Variants in XAB2 observed in about 807,000 individuals in gnomAD.
XAB2 encodes XPA binding protein 2, also known as pre-mRNA-splicing factor SYF1.
In XAB2, 57 loss-of-function variants were observed where a neutral mutation model predicts 113.4. The ratio of observed to expected loss-of-function variants is 0.50; its 90% confidence interval spans 0.41 to 0.63. XAB2 has a LOEUF of 0.63. Among genes scored for constraint, XAB2 ranks in the 20% least tolerant of loss-of-function variants. The pLI, the probability that XAB2 is intolerant of heterozygous loss-of-function variation, is 0.00. For synonymous variants in XAB2, 497 were observed against 498.8 expected (o/e 1.00, Z 0.05); for missense variants, 1,037 against 1,233.3 (o/e 0.84, Z 2.38).
rs1455444951 is a variant in XAB2, at chr19:7,623,798, C to T, written c.1052G>A (p.Arg351His). 3.1e-6 allele frequency: 5 copies of T among 1,611,708 alleles called. No individual in the cohort carries two copies. Among genetic ancestry groups the T allele is most frequent in the Non-Finnish European group, 2.5e-6 (3 of 1,179,538 alleles). Residue 351 changes from arginine to histidine, a missense_variant, in exon 8 of 19, where the codon CGC becomes CAC. By Grantham distance (29) the Arg-to-His change is conservative (BLOSUM62 0). Coordinates refer to ENST00000358368, the MANE Select transcript of XAB2 (RefSeq NM_020196.3). This position sits in a 1 kb window ranked among gnomAD's most constrained non-coding sequence, Gnocchi z 4.6. ...CTCGTGCACGTGGTGTGGGTTTTGGCGCAGCAAGACGCTGTTGAGGAGCAG... is the reference window on the plus strand; with the variant it reads ...CTCGTGCACGTGGTGTGGGTTTTGGTGCAGCAAGACGCTGTTGAGGAGCAG... ...RPLLLNSVLL[R>H]QNPHHVHEWH...
chr19:7,622,235 G>A (rs1009485469), intron 12 of XAB2, 96 bp downstream of exon 12: 85 of 1,160,484 alleles, frequency 7.3e-5, no homozygotes, highest in Admixed American at 2.3e-4. Context: ...TCTGTATACT[G>A]TGTCACACAA....
In XAB2 at chr19:7,627,769, C is replaced by A; in HGVS notation, c.283G>T (p.Val95Phe). The A allele has an allele frequency of 6.2e-7, 1 of 1,614,144 alleles. No homozygotes were observed. The change falls in exon 3 of 19, where the codon GTC becomes TTC. Residue 95 changes from valine (V) to phenylalanine (F), a missense_variant. Val to Phe is a conservative substitution (Grantham distance 50). Transcript: ENST00000358368. The surrounding 1 kb of genome is among the most constrained non-coding windows in gnomAD (Gnocchi z 4.5). ...AAGGCCCTCTCATGACAGTTGTTGACATCTTCATAGGCAGGGTCGGTCACA... is the reference window on the plus strand; with the variant it reads ...AAGGCCCTCTCATGACAGTTGTTGAAATCTTCATAGGCAGGGTCGGTCACA... ...RCVTDPAYEDVNNCHERAFVF... is the reference protein window; with the variant it reads ...RCVTDPAYEDFNNCHERAFVF...
chr19:7,624,594 G>C lies in XAB2; in HGVS notation c.823-149C>G. The C allele has an allele frequency of 8.0e-7, 1 of 1,249,414 alleles. No individual in the cohort carries two copies. The highest frequency in any genetic ancestry group is 1.1e-6 in the Non-Finnish European group (1 of 904,682). The allele number at this position is 1,249,414 out of a possible 1,614,324, so 77.4% of individuals were successfully genotyped here. On this transcript the variant is annotated intron_variant, in intron 6 of 18. Transcript: ENST00000358368. The surrounding 1 kb of genome is among the most constrained non-coding windows in gnomAD (Gnocchi z 4.2). ...CTCTGGGTAGTGACCCCAGGACAGA[G>C]CCTCCGTGGAGCCTTCTCACCCCCG...
At chr19:7,620,468 G>A in intron 15 of XAB2, 22 bp from the exon 16 acceptor site, 3 of 1,608,538 alleles carry the variant, frequency 1.9e-6, no homozygotes, top group African/African-American at 1.3e-5. Flanking sequence ...GCAGGGCAGG[G>A]GTGGGTGTGT....
rs745761079 is a variant in XAB2 at position 7,627,353 on chromosome 19, G to A, written c.412C>T (p.Arg138Trp). The change falls in exon 4 of 19, where the codon CGG (arginine) becomes TGG (tryptophan). Residue 138 changes from arginine (R) to tryptophan (W), a missense_variant. Transcript: ENST00000358368. This position sits in a 1 kb window ranked among gnomAD's most constrained non-coding sequence, Gnocchi z 4.5. The part of the protein sequence containing the change: ...HTRRTFDRAL[R>W]ALPITQHSRI... ...GAGTGCTGCGTGATGGGCAGTGCCC[G>A]GAGGGCACGGTCGAAGGTGCGGCGG... The A allele has an allele frequency of 4.0e-5, 65 of 1,613,270 alleles. No individual in the cohort carries two copies. The highest frequency in any genetic ancestry group is 5.3e-5 in the Non-Finnish European group (63 of 1,179,878).
In XAB2 at chr19:7,623,675, C is replaced by T; in HGVS notation, c.1119+56G>A. 2.0e-6 allele frequency: 3 copies of T among 1,526,708 alleles called. No homozygotes were observed. Among genetic ancestry groups the T allele is most frequent in the Non-Finnish European group, 2.6e-6 (3 of 1,142,442 alleles). The allele number at this position is 1,526,708 out of a possible 1,614,324, so 94.6% of individuals were successfully genotyped here. A position where few individuals can be genotyped will look rare whatever the true frequency, so the allele number is the denominator to read the frequency against. On this transcript the variant is annotated intron_variant, in intron 8 of 18. Coordinates refer to ENST00000358368, the MANE Select transcript of XAB2 (RefSeq NM_020196.3). This position sits in a 1 kb window ranked among gnomAD's most constrained non-coding sequence, Gnocchi z 4.6. The stretch of plus-strand genomic sequence containing the variant: ...CATTATGGGTGAAGGTGGGTGGCTC[C>T]CCAGTTCTGCAGGAAACTGGCCCTC...
intron 4 of XAB2, among the ~76,000 whole-genome samples, chr19:7,626,671 A>G (rs1204418905): frequency 6.6e-6 from 1 of 150,828 alleles, no homozygotes; most frequent in Non-Finnish European, 1.5e-5. Flanking sequence ...TGGCTCCACT[A>G]GTCCAGCCTC....
Position 7,619,970 on chromosome 19 carries a change from G to A in XAB2, c.2372C>T (p.Ala791Val). 2 of 1,611,874 alleles carry A rather than the reference G, an allele frequency of 1.2e-6. No homozygotes were observed. Among genetic ancestry groups the A allele is most frequent in the Non-Finnish European group, 1.7e-6 (2 of 1,179,954 alleles). Reference protein sequence around the residue: ...AEAERDQPLRAQSKILFVRSD... With the variant: ...AEAERDQPLRVQSKILFVRSD... ...CCTCACGAACAGGATCTTGCTCTGGGCGCGCAAGGGCTGGTCACGCTCCGC... is the reference window on the plus strand; with the variant it reads ...CCTCACGAACAGGATCTTGCTCTGGACGCGCAAGGGCTGGTCACGCTCCGC... The change falls in exon 17 of 19, where the codon GCC becomes GTC. Residue 791 changes from alanine to valine, a missense_variant. Transcript: ENST00000358368.
intron 15 of XAB2, 47 bp from the exon 16 acceptor site, chr19:7,620,493 G>A: frequency 2.5e-6 from 4 of 1,609,416 alleles, no homozygotes; most frequent in Non-Finnish European, 2.5e-6. Context: ...CCGTGAGCTG[G>A]CTGACTCCGC....
At chr19:7,629,105 C>G (rs1185797852) in intron 1 of XAB2, among the ~76,000 whole-genome samples, 1 of 152,176 alleles carries the variant, frequency 6.6e-6, no homozygotes, top group East Asian at 1.9e-4. Flanking sequence ...AGCCTTCATC[C>G]CAGAAACCAG....
intron 12 of XAB2, chr19:7,621,957 T>C (rs986838833): frequency 4.4e-6 from 1 of 228,484 alleles, no homozygotes; most frequent in Non-Finnish European, 8.8e-6. Flanking sequence ...CCTCAGAAAG[T>C]AGATTCGTTT....
chr19:7,619,776 T>C lies in XAB2; in HGVS notation c.2477A>G (p.Asp826Gly), dbSNP rs762455723. The C allele has an allele frequency of 5.0e-6, 8 of 1,613,736 alleles. No individual in the cohort carries two copies. The highest frequency in any genetic ancestry group is 5.9e-6 in the Non-Finnish European group (7 of 1,179,916). Residue 826 changes from aspartate to glycine, a missense_variant, in exon 18 of 19, where the codon GAC becomes GGC. Asp to Gly is a moderately conservative substitution (Grantham distance 94, BLOSUM62 -1). Transcript: ENST00000358368. Reference sequence around the variant, plus strand: ...GGGCTCCAGGTCCATCTCGTCCTCGTCCTCGTCCTCGCCCAGCTGGATCTC... The same window carrying C: ...GGGCTCCAGGTCCATCTCGTCCTCGCCCTCGTCCTCGCCCAGCTGGATCTC... ...PEEIQLGEDE[D>G]EDEMDLEPNE...
rs1019244805 is a variant in XAB2 at position 7,623,302 on chromosome 19, G to C, written c.1120-13C>G. 1.2e-6 allele frequency: 2 copies of C among 1,613,056 alleles called. No individual in the cohort carries two copies. The highest frequency in any genetic ancestry group is 1.7e-4 in the Middle Eastern group (1 of 6,046). On this transcript the variant is annotated splice_polypyrimidine_tract_variant and intron_variant, in intron 8 of 18. Transcript: ENST00000358368. This position sits in a 1 kb window ranked among gnomAD's most constrained non-coding sequence, Gnocchi z 4.6. ...AGGTGTTGATGATCTGGGGACAGGAGGGAGGAGGTCATATAGGACTCAGGA... is the reference window on the plus strand; with the variant it reads ...AGGTGTTGATGATCTGGGGACAGGACGGAGGAGGTCATATAGGACTCAGGA...
In XAB2 at chr19:7,627,800, A is replaced by G; in HGVS notation, c.252T>C (p.His84=). 2 of 1,613,976 alleles carry G rather than the reference A, an allele frequency of 1.2e-6. No individual in the cohort carries two copies. Among genetic ancestry groups the G allele is most frequent in the Non-Finnish European group, 8.5e-7 (1 of 1,180,026 alleles). Residue 84 remains histidine, a synonymous_variant, in exon 3 of 19, where the codon CAT becomes CAC. Coordinates refer to ENST00000358368, the MANE Select transcript of XAB2 (RefSeq NM_020196.3). The surrounding 1 kb of genome is among the most constrained non-coding windows in gnomAD (Gnocchi z 4.5). Reference sequence around the variant, plus strand: ...CATAGGCAGGGTCGGTCACACAGCGATGCTTCACCTGTGCCCGACGCGCCT... The same window carrying G: ...CATAGGCAGGGTCGGTCACACAGCGGTGCTTCACCTGTGCCCGACGCGCCT... ...YLKARRAQVK[H]RCVTDPAYED... is the part of the protein sequence containing the mutation.
chr19:7,627,229 C>G lies in XAB2; in HGVS notation c.522+14G>C, dbSNP rs1161470723. On this transcript the variant is annotated intron_variant, in intron 4 of 18. Transcript: ENST00000358368. The surrounding 1 kb of genome is among the most constrained non-coding windows in gnomAD (Gnocchi z 4.5). ...GAAACTAACCTGGGGAACCAGCGCA[C>G]CTGCTAGGCTCACCTTGAGGAAGCG... 6.2e-7 allele frequency: 1 copy of G among 1,610,382 alleles called. No homozygotes were observed. Among genetic ancestry groups the G allele is most frequent in the African/African-American group, 1.3e-5 (1 of 74,936 alleles).
chr19:7,625,822 C>T lies in XAB2; in HGVS notation c.822+58G>A. On this transcript the variant is annotated intron_variant, in intron 6 of 18. Coordinates refer to ENST00000358368, the MANE Select transcript of XAB2 (RefSeq NM_020196.3). The surrounding 1 kb of genome is among the most constrained non-coding windows in gnomAD (Gnocchi z 5.2). ...GCCTGTGCATGTGTCAACATGTGTC[C>T]CCGAGTGTCGGAGGGAGACCCCGCC... 2.6e-6 allele frequency: 4 copies of T among 1,545,858 alleles called. No individual in the cohort carries two copies. Among genetic ancestry groups the T allele is most frequent in the South Asian group, 1.2e-5 (1 of 81,016 alleles).
intron 13 of XAB2, 33 bp downstream of exon 13, chr19:7,621,099 GCCC>G: frequency 1.3e-6 from 1 of 766,036 alleles, no homozygotes; most frequent in Non-Finnish European, 1.8e-6. Flanking sequence ...AACCCAGCCC[GCCC>G]GCCACCCCCC....
Position 7,619,717 on chromosome 19 carries a change from C to T in XAB2, c.2506+30G>A, listed in dbSNP as rs201891244. 7.1e-5 allele frequency: 114 copies of T among 1,611,660 alleles called. No homozygotes were observed. The East Asian group carries it at 2.1e-3, about 30-fold the overall frequency. On this transcript the variant is annotated intron_variant, in intron 18 of 18. Coordinates refer to ENST00000358368, the MANE Select transcript of XAB2 (RefSeq NM_020196.3). ...TCCCCCGAGGCCCACCCTGGTAATG[C>T]CACCGTCCCCGCCCCAGCCGGGCCC...
In XAB2 at chr19:7,627,867, G is replaced by A. The variant is rs773807284; in HGVS notation, c.201-16C>T. On this transcript the variant is annotated splice_polypyrimidine_tract_variant and intron_variant, in intron 2 of 18. Transcript: ENST00000358368. This position sits in a 1 kb window ranked among gnomAD's most constrained non-coding sequence, Gnocchi z 4.5. The stretch of plus-strand genomic sequence containing the variant: ...GAGTTTGTAGCTGGGGAATAGGAGG[G>A]GACAGATGCTGATCGGTCAGCTTTA... 6.2e-7 allele frequency: 1 copy of A among 1,607,702 alleles called. No individual in the cohort carries two copies. Among genetic ancestry groups the A allele is most frequent in the East Asian group, 2.2e-5 (1 of 44,664 alleles).
Sources: allele counts gnomAD v4.1 joint callset (sites outside exome capture counted in the v4.1 genomes callset), GRCh38; gene constraint gnomAD v4.1.1; non-coding constraint Gnocchi (gnomAD v3.1); transcripts MANE v1.5; gene names NCBI Gene and HGNC (gene_info 2026-07-23, HGNC 2026-07-21).